Variants in ZNF154 observed in about 807,000 individuals in gnomAD.
ZNF154 encodes the protein zinc finger protein 154.
A neutral mutation model predicts 7.5 loss-of-function variants in ZNF154; 6 were observed. The observed-to-expected ratio is 0.80, with a 90% CI of 0.44 to 1.57. The LOEUF is 1.57. ZNF154 is among the 40% of genes most tolerant of loss of function. The pLI, the probability that ZNF154 is intolerant of heterozygous loss-of-function variation, is 0.01. For synonymous variants in ZNF154, 187 were observed against 185.9 expected (o/e 1.01, Z -0.05); for missense variants, 485 against 531.4 (o/e 0.91, Z 0.86).
intron 1 of ZNF154, among the ~76,000 whole-genome samples, chr19:57,706,754 G>T (rs1340035728): frequency 3.3e-5 from 5 of 152,116 alleles, no homozygotes; most frequent in East Asian, 1.9e-4. Flanking sequence ...CAACCAAAAG[G>T]CTTGGTCCTT....
chr19:57,707,843 T>C (rs1388924380), intron 1 of ZNF154, among the ~76,000 whole-genome samples: 1 of 152,130 alleles, frequency 6.6e-6, no homozygotes, highest in Non-Finnish European at 1.5e-5. Flanking sequence ...TGGGAACACC[T>C]CAGTATAACC....
chr19:57,706,762 C>A (rs1985410006), intron 1 of ZNF154, among the ~76,000 whole-genome samples: 2 of 152,230 alleles, frequency 1.3e-5, no homozygotes, highest in Admixed American at 1.3e-4. Context: ...AGGCTTGGTC[C>A]TTAGCCCCCA....
rs1217887038 is a variant in ZNF154, at chr19:57,702,365, C to A, written c.584G>T (p.Gly195Val). The change falls in exon 3 of 3, where the codon GGG becomes GTG. Residue 195 changes from glycine to valine, a missense_variant. Coordinates refer to ENST00000684351, the MANE Select transcript of ZNF154 (RefSeq NM_001085384.3). ...ACTAGAGCTTTGCCTAAAGGACTTC[C>A]CACACTCTCGACATTCATAAGGCTT... Reference protein sequence around the residue: ...GEKPYECRECGKSFRQSSSLI... With the variant: ...GEKPYECRECVKSFRQSSSLI... 1 of 1,612,706 alleles carries A rather than the reference C, an allele frequency of 6.2e-7. No individual in the cohort carries two copies. The highest frequency in any genetic ancestry group is 1.1e-5 in the South Asian group (1 of 91,038).
chr19:57,706,404 T>G lies in ZNF154; in HGVS notation c.34-1425A>C, dbSNP rs544424582. ...CAACCTTCCTCTGTCCACTTAACAC[T>G]CAAAGACTAGCTCCACTGATCACCT... On this transcript the variant is annotated intron_variant, in intron 1 of 2. Coordinates refer to ENST00000684351, the MANE Select transcript of ZNF154 (RefSeq NM_001085384.3). 2.6e-5 allele frequency among the ~76,000 whole-genome samples: 4 copies of G among 152,180 alleles called. No individual in the cohort carries two copies. In the South Asian group the frequency reaches 8.3e-4, roughly 32 times the overall value.
In ZNF154 at chr19:57,709,151, TCTG is replaced by T; in HGVS notation, c.-183_-181del. The stretch of plus-strand genomic sequence containing the variant: ...CGCCTTCGTGGCCCCAACTCGGCGC[TCTG>T]CTATCTCTGATCCGGTGAACACACC... On this transcript the variant is annotated 5_prime_UTR_variant, in exon 1 of 3. Transcript: ENST00000684351. The T allele has an allele frequency of 1.3e-6, 1 of 743,150 alleles. No individual in the cohort carries two copies. Among genetic ancestry groups the T allele is most frequent in the Non-Finnish European group, 2.2e-6 (1 of 450,396 alleles). The allele number at this position is 743,150 out of a possible 1,614,324, so 46.0% of individuals were successfully genotyped here. A position where few individuals can be genotyped will look rare whatever the true frequency, so the allele number is the denominator to read the frequency against.
At chr19:57,702,870 A>G in intron 2 of ZNF154, 82 bp from the exon 3 acceptor site, 2 of 1,366,058 alleles carry the variant, frequency 1.5e-6, no homozygotes, top group South Asian at 2.8e-5. Context: ...GGCCCAGCCA[A>G]GAGCAAAATG....
chr19:57,701,932 G>A lies in ZNF154; in HGVS notation c.1017C>T (p.Ser339=), dbSNP rs1985165571. The part of the protein sequence containing the change: ...YKCSECGKSF[S]QRSALLQHRG... ...GATGTTGAAGGAGTGCAGACCTTTGGCTAAAGGATTTCCCACATTCGCTGC... is the reference window on the plus strand; with the variant it reads ...GATGTTGAAGGAGTGCAGACCTTTGACTAAAGGATTTCCCACATTCGCTGC... Residue 339 remains serine, a synonymous_variant, in exon 3 of 3, where the codon AGC becomes AGT. Transcript: ENST00000684351. 6.2e-7 allele frequency: 1 copy of A among 1,613,244 alleles called. No homozygotes were observed. The highest frequency in any genetic ancestry group is 8.5e-7 in the Non-Finnish European group (1 of 1,179,866).
intron 1 of ZNF154, among the ~76,000 whole-genome samples, chr19:57,705,764 A>G (rs946089430): frequency 1.9e-4 from 29 of 150,684 alleles, no homozygotes; most frequent in African/African-American, 6.8e-4. Flanking sequence ...AAAAAAAAAA[A>G]AAAAAGAAAG....
In ZNF154 at chr19:57,702,189, A is replaced by G. The variant is rs757132851; in HGVS notation, c.760T>C (p.Phe254Leu). The G allele has an allele frequency of 3.7e-6, 6 of 1,614,168 alleles. No individual in the cohort carries two copies. Among genetic ancestry groups the G allele is most frequent in the Non-Finnish European group, 8.5e-7 (1 of 1,180,020 alleles). ...TGAAGGAGTGCAGACCTTTGGCTAAAGGATTTCCCACATTCACTGCACTCA... is the reference window on the plus strand; with the variant it reads ...TGAAGGAGTGCAGACCTTTGGCTAAGGGATTTCCCACATTCACTGCACTCA... The part of the protein sequence containing the change: ...PYECSECGKS[F>L]SQRSALLQHR... Residue 254 changes from phenylalanine (F) to leucine (L), a missense_variant, in exon 3 of 3, where the codon TTT becomes CTT. Coordinates refer to ENST00000684351, the MANE Select transcript of ZNF154 (RefSeq NM_001085384.3).
Position 57,702,472 on chromosome 19 carries a change from T to C in ZNF154, c.477A>G (p.Arg159=). 1.9e-6 allele frequency: 3 copies of C among 1,614,260 alleles called. No individual in the cohort carries two copies. The highest frequency in any genetic ancestry group is 2.5e-6 in the Non-Finnish European group (3 of 1,180,044). The change falls in exon 3 of 3, where the codon AGA becomes AGG. Residue 159 remains arginine, a synonymous_variant. Coordinates refer to ENST00000684351, the MANE Select transcript of ZNF154 (RefSeq NM_001085384.3). ...TCCCACATTCACTGCATATGTAACA[T>C]CTTTCTGTAGTGAGGGTTCTCTGCT... ...VQQQRTLTTE[R]CYICSECGKS...
At chr19:57,707,125 A>AAAAAAAAAAAAG (rs1341923554) in intron 1 of ZNF154, among the ~76,000 whole-genome samples, 1 of 148,726 alleles carries the variant, frequency 6.7e-6, no homozygotes, top group African/African-American at 2.5e-5. Context: ...AAAAAAAAAA[A>AAAAAAAAAAAAG]AAAAAATAGA....
intron 1 of ZNF154, among the ~76,000 whole-genome samples, chr19:57,705,779 T>C (rs1392443464): frequency 6.7e-6 from 1 of 148,594 alleles, no homozygotes; most frequent in Non-Finnish European, 1.5e-5. Flanking sequence ...AGAAAGATGA[T>C]ATAGCAGTTT....
rs1366806104 is a variant in ZNF154 at position 57,698,137 on chromosome 19, T to C, written c.*3498A>G. ...CAATACAAAAAAAAGAAACTACTCA[T>C]AGAGGTATAATGATGAATCTCAAAA... is the stretch of plus-strand genomic sequence containing the variant. On this transcript the variant is annotated 3_prime_UTR_variant, in exon 3 of 3. Transcript: ENST00000684351. 1 of 152,106 alleles carries C rather than the reference T, an allele frequency of 6.6e-6. No homozygotes were observed. Among genetic ancestry groups the C allele is most frequent in the Non-Finnish European group, 1.5e-5 (1 of 68,020 alleles). The allele number at this position is 152,106 out of a possible 1,614,324, so 9.4% of individuals were successfully genotyped here. A position where few individuals can be genotyped will look rare whatever the true frequency, so the allele number is the denominator to read the frequency against.
rs564405661 is a variant in ZNF154 at position 57,701,791 on chromosome 19, C to A, written c.1158G>T (p.Glu386Asp). ...QRVHTGSRPY[E>D]CSECGKSFTQ... ...TAAAGGATTTCCCACATTCACTGCA[C>A]TCATAGGGTCTTGATCCAGTGTGAA... is the stretch of plus-strand genomic sequence containing the variant. The change falls in exon 3 of 3, where the codon GAG becomes GAT. Residue 386 changes from glutamate (E) to aspartate (D), a missense_variant. Glu to Asp is a conservative substitution (Grantham distance 45, BLOSUM62 2). Transcript: ENST00000684351. 4 of 1,614,102 alleles carry A rather than the reference C, an allele frequency of 2.5e-6. 1 individual carries two copies. In the South Asian group the frequency reaches 4.4e-5, roughly 18 times the overall value.
intron 1 of ZNF154, among the ~76,000 whole-genome samples, chr19:57,706,882 C>T (rs1365750968): frequency 6.6e-6 from 1 of 152,146 alleles, no homozygotes; most frequent in African/African-American, 2.4e-5. Flanking sequence ...GTGGCTGAGG[C>T]GGGTGGATCA....
chr19:57,707,181 A>G (rs930304517), intron 1 of ZNF154, among the ~76,000 whole-genome samples: 1 of 151,576 alleles, frequency 6.6e-6, no homozygotes, highest in African/African-American at 2.4e-5. Flanking sequence ...CTTAGTCCAC[A>G]CAATGACCAC....
At chr19:57,708,235 C>T (rs1034624517) in intron 1 of ZNF154, among the ~76,000 whole-genome samples, 2 of 152,188 alleles carry the variant, frequency 1.3e-5, no homozygotes, top group Non-Finnish European at 2.9e-5. Context: ...ATCGCCCCAT[C>T]GCTGCTCTTC....
chr19:57,703,808 A>C (rs577934182), intron 2 of ZNF154, among the ~76,000 whole-genome samples: 6 of 152,082 alleles, frequency 3.9e-5, no homozygotes, highest in African/African-American at 1.4e-4. Flanking sequence ...TCAGGAGTTC[A>C]AGACCAGCCT....
At position 57,701,715 on chromosome 19, in the gene ZNF154, G is replaced by T; in HGVS notation, c.1234C>A (p.Pro412Thr). The change falls in exon 3 of 3, where the codon CCT becomes ACT. Residue 412 changes from proline to threonine, a missense_variant. By Grantham distance (38) the Pro-to-Thr change is conservative (BLOSUM62 -1). Transcript: ENST00000684351. ...TTCCCACATTCCGTGCACTCATAAG[G>T]CTTCTCCCCAGTGTGAACCCTCCTG... ...KHRRVHTGEK[P>T]YECTECGKSF... The T allele has an allele frequency of 6.2e-7, 1 of 1,614,144 alleles. No homozygotes were observed. The highest frequency in any genetic ancestry group is 8.5e-7 in the Non-Finnish European group (1 of 1,180,010).
Sources: allele counts gnomAD v4.1 joint callset (sites outside exome capture counted in the v4.1 genomes callset), GRCh38; gene constraint gnomAD v4.1.1; transcripts MANE v1.5; gene names NCBI Gene and HGNC (gene_info 2026-07-23, HGNC 2026-07-21).